The following CLK1 variants were observed in gnomAD, a reference collection of about 807,000 sequenced individuals.
CLK1 encodes the protein CDC like kinase 1.
A neutral mutation model predicts 60.9 loss-of-function variants in CLK1; 40 were observed. The ratio of observed to expected loss-of-function variants is 0.66; its 90% confidence interval spans 0.51 to 0.86. CLK1 has a LOEUF of 0.86. Among genes scored for constraint, CLK1 ranks in the 40% least tolerant of loss-of-function variants. CLK1 has a pLI of 0.00. For missense variants in CLK1, 563 were observed against 606.1 expected, an observed-to-expected ratio of 0.93 and a Z score of 0.75; for synonymous variants, 203 against 184.4, an observed-to-expected ratio of 1.10 and a Z score of -0.82.
chr2:200,853,705 A>AG (rs2105732971), intron 12 of CLK1, among the ~76,000 whole-genome samples, 198 bp downstream of exon 12: 2 of 135,442 alleles, frequency 1.5e-5, no homozygotes, highest in South Asian at 4.5e-4. Flanking sequence ...AAAAAAAAAA[A>AG]GCGTGGTGGC....
intron 3 of CLK1, 173 bp from the exon 4 acceptor site, chr2:200,860,388 A>G: frequency 1.4e-6 from 2 of 1,383,854 alleles, no homozygotes; most frequent in Non-Finnish European, 1.9e-6. Flanking sequence ...AGAAATTCAC[A>G]GGGCACATAG....
rs2038994780 is a variant in CLK1 at position 200,853,948 on chromosome 2, G to A, written c.1266C>T (p.His422=). The A allele has an allele frequency of 1.9e-6, 3 of 1,612,350 alleles. No individual in the cohort carries two copies. Among genetic ancestry groups the A allele is most frequent in the Non-Finnish European group, 2.5e-6 (3 of 1,179,214 alleles). Residue 422 remains histidine, a synonymous_variant, in exon 12 of 13, where the codon CAC becomes CAT. Transcript: ENST00000321356. The stretch of plus-strand genomic sequence containing the variant: ...TTGAAACATATCTGCCGGCAGAACT[G>A]TGTTCATCCCAGTCTAATCGATCGT... ...FHHDRLDWDE[H]SSAGRYVSRR...
chr2:200,857,029 C>A, intron 7 of CLK1, 44 bp from the exon 8 acceptor site: 1 of 1,494,574 alleles, frequency 6.7e-7, no homozygotes, highest in South Asian at 1.1e-5. Flanking sequence ...AACACCAAAC[C>A]AAACCAAATC....
chr2:200,864,307 G>A, intron 1 of CLK1: 5 of 1,459,336 alleles, frequency 3.4e-6, no homozygotes, highest in Non-Finnish European at 4.5e-6. Context: ...CCTCAGCGGA[G>A]GGCAGAAGCT....
At chr2:200,855,198 G>A in intron 9 of CLK1, 112 bp from the exon 10 acceptor site, 3 of 745,710 alleles carry the variant, frequency 4.0e-6, no homozygotes, top group Non-Finnish European at 6.5e-6. Flanking sequence ...AATGTAGGCT[G>A]GGCACAGTGG....
intron 9 of CLK1, among the ~76,000 whole-genome samples, chr2:200,856,125 T>C (rs2039037026): frequency 6.6e-6 from 1 of 151,294 alleles, no homozygotes; most frequent in African/African-American, 2.4e-5. Flanking sequence ...CAGGCCGGAG[T>C]GCAGTGGCGC....
chr2:200,864,048 A>T (rs1013717666), intron 1 of CLK1: 2 of 1,487,988 alleles, frequency 1.3e-6, no homozygotes, highest in Non-Finnish European at 1.8e-6. Context: ...CGACACTTTC[A>T]TCATTAGACA....
chr2:200,861,181 G>A (rs2039131509), intron 3 of CLK1, 57 bp downstream of exon 3: 3 of 1,560,112 alleles, frequency 1.9e-6, no homozygotes, highest in African/African-American at 2.8e-5. Context: ...AAAAATTCAA[G>A]TTTCCCTGTT....
chr2:200,853,982 T>C lies in CLK1; in HGVS notation c.1232A>G (p.Tyr411Cys), dbSNP rs1417224853. 1.2e-6 allele frequency: 2 copies of C among 1,609,062 alleles called. No homozygotes were observed. The highest frequency in any genetic ancestry group is 1.3e-5 in the African/African-American group (1 of 74,502). Residue 411 changes from tyrosine to cysteine, a missense_variant, in exon 12 of 13, where the codon TAT (tyrosine) becomes TGT (cysteine). This residue lies in a region of CLK1 where 360 missense variants were observed against 407.0 expected (regional missense o/e 0.88). Coordinates refer to ENST00000321356, the MANE Select transcript of CLK1 (RefSeq NM_004071.4). Reference sequence around the variant, plus strand: ...CCAGTCTAATCGATCGTGGTGAAAATATTTACGTTTCCTAAAAATAAGTCA... The same window carrying C: ...CCAGTCTAATCGATCGTGGTGAAAACATTTACGTTTCCTAAAAATAAGTCA... ...HMIQKTRKRK[Y>C]FHHDRLDWDE...
intron 1 of CLK1, among the ~76,000 whole-genome samples, chr2:200,863,852 A>G (rs989806268): frequency 6.6e-6 from 1 of 152,136 alleles, no homozygotes. Flanking sequence ...AGACTCCAAG[A>G]AAAGAAAAAA....
At chr2:200,858,323 C>T (rs2039077068) in intron 5 of CLK1, among the ~76,000 whole-genome samples, 1 of 152,160 alleles carries the variant, frequency 6.6e-6, no homozygotes, top group African/African-American at 2.4e-5. Flanking sequence ...TATATGGTAC[C>T]TGTCACTGTC....
intron 2 of CLK1, 90 bp from the exon 3 acceptor site, chr2:200,861,556 G>C: frequency 6.4e-7 from 1 of 1,560,476 alleles, no homozygotes; most frequent in South Asian, 1.2e-5. Flanking sequence ...TCCCCCACAA[G>C]CAGCTTAATT....
intron 3 of CLK1, chr2:200,860,952 T>C: frequency 4.3e-6 from 5 of 1,173,566 alleles, no homozygotes; most frequent in Non-Finnish European, 5.3e-6. Flanking sequence ...AAAACCCTTT[T>C]AGAATATTTT....
At chr2:200,854,026 A>G in intron 11 of CLK1, 33 bp from the exon 12 acceptor site, 2 of 1,451,142 alleles carry the variant, frequency 1.4e-6, no homozygotes, top group Admixed American at 1.8e-5. Context: ...TCATGTTTAT[A>G]ACACTGAAAA....
chr2:200,853,679 G>GA (rs34449560), intron 12 of CLK1, among the ~76,000 whole-genome samples: 11,614 of 49,102 alleles, frequency 0.24, 2,640 homozygotes, highest in East Asian at 0.42. Context: ...GTCTTTACTT[G>GA]AAAAAAAAAA....
intron 3 of CLK1, 152 bp from the exon 4 acceptor site, chr2:200,860,367 A>G: frequency 7.0e-7 from 1 of 1,418,654 alleles, no homozygotes; most frequent in Non-Finnish European, 9.2e-7. Flanking sequence ...GCAATTTCAA[A>G]TTCAGTCCCC....
At position 200,861,414 on chromosome 2, in the gene CLK1, A is replaced by G. The variant is rs1451234164; in HGVS notation, c.214T>C (p.Tyr72His). ...INEKDYHSRR[Y>H]IDEYRNDYTQ... ...TAGTCATTTCTGTACTCATCAATGTAGCGTCGACTATGATAATCTTTCTCA... is the reference window on the plus strand; with the variant it reads ...TAGTCATTTCTGTACTCATCAATGTGGCGTCGACTATGATAATCTTTCTCA... Residue 72 changes from tyrosine (Y) to histidine (H), a missense_variant, in exon 3 of 13, where the codon TAC becomes CAC. By Grantham distance (83) the Tyr-to-His change is moderately conservative. This residue lies in a region of CLK1 where 198 missense variants were observed against 179.2 expected (regional missense o/e 1.10). Coordinates refer to ENST00000321356, the MANE Select transcript of CLK1 (RefSeq NM_004071.4). The G allele has an allele frequency of 6.2e-7, 1 of 1,614,128 alleles. No individual in the cohort carries two copies. Among genetic ancestry groups the G allele is most frequent in the Non-Finnish European group, 8.5e-7 (1 of 1,180,002 alleles).
At chr2:200,860,863 T>C (rs2039126115) in intron 3 of CLK1, 1 of 1,057,916 alleles carries the variant, frequency 9.5e-7, no homozygotes. Context: ...AATCCTAAAT[T>C]ATACAAAAAT....
At chr2:200,863,519 T>C (rs1379773560) in intron 1 of CLK1, among the ~76,000 whole-genome samples, 4 of 151,314 alleles carry the variant, frequency 2.6e-5, no homozygotes, top group African/African-American at 4.9e-5. Flanking sequence ...ATTGCGCCAC[T>C]TGCACTCCGG....
Sources: gnomAD v4.1 joint callset for allele counts (sites outside exome capture counted in the v4.1 genomes callset) on GRCh38, gnomAD v4.1.1 for gene constraint, gnomAD v4.1.1 regional missense constraint, MANE v1.5 for transcripts, NCBI Gene and HGNC (gene_info 2026-07-23, HGNC 2026-07-21) for gene names.